The following DPP10 variants were observed in gnomAD, a reference collection of about 807,000 sequenced individuals.
DPP10 encodes the protein inactive dipeptidyl peptidase 10.
A neutral mutation model predicts 120.9 loss-of-function variants in DPP10; 33 were observed. That is an observed-to-expected ratio of 0.27 (90% confidence interval 0.21 to 0.37). The LOEUF is 0.37. DPP10 is among the 10% of genes least tolerant of loss of function. The probability of loss-of-function intolerance (pLI) is 1.00; values close to 1 mark genes in which losing one functional copy is unlikely to be tolerated. For missense variants in DPP10, 816 were observed against 942.8 expected, an observed-to-expected ratio of 0.87 and a Z score of 1.76; for synonymous variants, 337 against 326.1, an observed-to-expected ratio of 1.03 and a Z score of -0.36.
At chr2:115,831,056 G>A (rs1464254358) in intron 21 of DPP10, among the ~76,000 whole-genome samples, 1 of 152,074 alleles carries the variant, frequency 6.6e-6, no homozygotes, top group Non-Finnish European at 1.5e-5. Flanking sequence ...CAGGATTATA[G>A]GTATTGTGAT....
chr2:115,171,732 A>C lies in DPP10; in HGVS notation c.61-137507A>C, dbSNP rs529652458. On this transcript the variant is annotated intron_variant, in intron 1 of 25. Transcript: ENST00000410059. ...GTATAACCTTAAAAAAAAAAAACAA[A>C]AAAAAAACAAGTTTTAAAATGCTTT... Among the ~76,000 whole-genome samples the C allele has an allele frequency of 8.0e-4, 121 of 152,172 alleles. 1 individual carries two copies. The highest frequency in any genetic ancestry group is 2.6e-3 in the African/African-American group (107 of 41,504).
intron 3 of DPP10, among the ~76,000 whole-genome samples, chr2:115,385,423 T>C (rs1005388609): frequency 6.6e-6 from 1 of 151,900 alleles, no homozygotes; most frequent in Non-Finnish European, 1.5e-5. Context: ...TGGCACAATC[T>C]TGCCTCACTG....
chr2:115,812,963 CTTTTTTTTTT>C (rs66478532), intron 19 of DPP10, among the ~76,000 whole-genome samples: 1 of 72,832 alleles, frequency 1.4e-5, no homozygotes, highest in South Asian at 7.1e-4. Flanking sequence ...GACTGGATAT[CTTTTTTTTTT>C]TTTTTTTTTT....
chr2:114,528,914 A>C (rs529283512), intron 1 of DPP10, among the ~76,000 whole-genome samples: 143 of 152,098 alleles, frequency 9.4e-4, no homozygotes, highest in Middle Eastern at 3.4e-3. Context: ...GGAACTGACT[A>C]ACCACTTGGG....
intron 3 of DPP10, among the ~76,000 whole-genome samples, chr2:115,384,815 G>A (rs1310127970): frequency 6.6e-6 from 1 of 152,170 alleles, no homozygotes; most frequent in Non-Finnish European, 1.5e-5. Flanking sequence ...AAGGTCACTG[G>A]TATGGTTTGG....
At chr2:115,508,310 A>T (rs1032233816) in intron 4 of DPP10, among the ~76,000 whole-genome samples, 21 of 152,230 alleles carry the variant, frequency 1.4e-4, no homozygotes, top group African/African-American at 4.3e-4. Context: ...TTCTGTCCCA[A>T]CTACAACTAC....
At chr2:114,933,079 T>G (rs1013028514) in intron 1 of DPP10, among the ~76,000 whole-genome samples, 2 of 152,146 alleles carry the variant, frequency 1.3e-5, no homozygotes, top group African/African-American at 2.4e-5. Context: ...TTATTCATCC[T>G]CTTTTTTTAA....
At chr2:115,380,829 T>A (rs531855975) in intron 3 of DPP10, among the ~76,000 whole-genome samples, 122 of 152,302 alleles carry the variant, frequency 8.0e-4, no homozygotes, top group African/African-American at 2.6e-3. Flanking sequence ...TTTGGCTTGA[T>A]ATGAAATTCT....
chr2:115,504,612 C>T (rs1204569987), intron 4 of DPP10, among the ~76,000 whole-genome samples: 2 of 151,890 alleles, frequency 1.3e-5, no homozygotes, highest in South Asian at 4.2e-4. Flanking sequence ...CCAATTCAGT[C>T]ATCAAAATAG....
intron 1 of DPP10, among the ~76,000 whole-genome samples, chr2:115,175,253 C>T (rs1278299631): frequency 1.3e-5 from 2 of 152,136 alleles, no homozygotes; most frequent in African/African-American, 2.4e-5. Context: ...ACCATGACTT[C>T]CTTTGTTCCT....
intron 8 of DPP10, among the ~76,000 whole-genome samples, chr2:115,731,624 TG>T (rs1288812585): frequency 1.3e-5 from 2 of 152,220 alleles, no homozygotes; most frequent in Non-Finnish European, 2.9e-5. Flanking sequence ...CATTTGAATG[TG>T]TGTCTTTTGT....
intron 1 of DPP10, among the ~76,000 whole-genome samples, chr2:115,057,730 C>T (rs1470216327): frequency 2.0e-5 from 3 of 152,116 alleles, no homozygotes; most frequent in Non-Finnish European, 4.4e-5. Flanking sequence ...GACTAGCAGC[C>T]TCACAGATCA....
chr2:115,188,216 T>C (rs2054604839), intron 1 of DPP10, among the ~76,000 whole-genome samples: 1 of 152,212 alleles, frequency 6.6e-6, no homozygotes, highest in Non-Finnish European at 1.5e-5. Context: ...ATTTTTGTTT[T>C]ATATTATTTG....
chr2:114,497,995 G>A (rs1308844786), intron 1 of DPP10, among the ~76,000 whole-genome samples: 1 of 152,134 alleles, frequency 6.6e-6, no homozygotes, highest in South Asian at 2.1e-4. Context: ...GTTCTACCAA[G>A]TACTTTGGCT....
chr2:114,692,555 G>A (rs982490629), intron 1 of DPP10, among the ~76,000 whole-genome samples: 4 of 152,082 alleles, frequency 2.6e-5, no homozygotes, highest in African/African-American at 9.6e-5. Context: ...TGTATACTCT[G>A]TTGTTTGGGG....
At chr2:115,268,054 A>G (rs1199218434) in intron 1 of DPP10, among the ~76,000 whole-genome samples, 1 of 152,178 alleles carries the variant, frequency 6.6e-6, no homozygotes, top group Non-Finnish European at 1.5e-5. Flanking sequence ...ACCATACTTT[A>G]TTGATGTTGT....
At chr2:115,430,271 G>A (rs2070850185) in intron 3 of DPP10, among the ~76,000 whole-genome samples, 1 of 152,082 alleles carries the variant, frequency 6.6e-6, no homozygotes, top group African/African-American at 2.4e-5. Flanking sequence ...AAATGTTCCT[G>A]GACTAGACAA....
chr2:114,518,121 C>G (rs1274721556), intron 1 of DPP10, among the ~76,000 whole-genome samples: 1 of 131,614 alleles, frequency 7.6e-6, no homozygotes, highest in Non-Finnish European at 1.5e-5. Flanking sequence ...CTCTATCACC[C>G]AGGCTGGAAT....
At chr2:115,529,987 G>A (rs180959184) in intron 5 of DPP10, among the ~76,000 whole-genome samples, 26 of 152,066 alleles carry the variant, frequency 1.7e-4, no homozygotes, top group African/African-American at 6.0e-4. Context: ...ACAAAATAGG[G>A]CACAAACTTT....
Sources: gnomAD v4.1 joint callset for allele counts (sites outside exome capture counted in the v4.1 genomes callset) on GRCh38, gnomAD v4.1.1 for gene constraint, MANE v1.5 for transcripts, NCBI Gene and HGNC (gene_info 2026-07-23, HGNC 2026-07-21) for gene names.